The following ARHGEF10L variants were observed in gnomAD, a reference collection of about 807,000 sequenced individuals.
ARHGEF10L encodes the protein rho guanine nucleotide exchange factor 10-like protein.
In ARHGEF10L, 69 loss-of-function variants were observed where a neutral mutation model predicts 141.2. The observed-to-expected ratio is 0.49, with a 90% confidence interval of 0.40 to 0.60. The LOEUF is 0.60. Ranked by LOEUF, ARHGEF10L falls within the 20% of genes least tolerant of loss-of-function variation. ARHGEF10L has a pLI of 0.00. For synonymous variants in ARHGEF10L, 711 were observed against 718.5 expected (o/e 0.99, Z 0.17); for missense variants, 1,482 against 1,734.3 (o/e 0.85, Z 2.58).
chr1:17,674,618 G>A (rs1283288360), intron 26 of ARHGEF10L, among the ~76,000 whole-genome samples: 2 of 152,234 alleles, frequency 1.3e-5, no homozygotes, highest in Non-Finnish European at 2.9e-5. Context: ...AGAAGCGTGA[G>A]CTGATGCCTG....
chr1:17,645,686 A>G (rs943782117), intron 21 of ARHGEF10L, among the ~76,000 whole-genome samples: 1 of 152,176 alleles, frequency 6.6e-6, no homozygotes, highest in Non-Finnish European at 1.5e-5. Flanking sequence ...CTGGCACACT[A>G]GCAGAGGCTA....
At chr1:17,533,907 G>A in the ARHGEF10L span, among the ~76,000 whole-genome samples, 4 of 151,994 alleles carry the variant, frequency 2.6e-5, no homozygotes, top group East Asian at 1.9e-4. Context: ...CTGCCTATGC[G>A]AGGCCGGTAT....
At chr1:17,640,168 A>G (rs753376561) in intron 20 of ARHGEF10L, 34 bp from the exon 21 acceptor site, 9 of 1,593,060 alleles carry the variant, frequency 5.6e-6, no homozygotes, top group South Asian at 1.1e-5. Context: ...TTGTGTGGGT[A>G]CTCACACATC....
At chr1:17,678,224 G>C (rs1366711642) in intron 26 of ARHGEF10L, among the ~76,000 whole-genome samples, 4 of 152,158 alleles carry the variant, frequency 2.6e-5, no homozygotes, top group Non-Finnish European at 5.9e-5. Flanking sequence ...AGGTGACCCA[G>C]GTGGCTGGCT....
At chr1:17,611,935 C>G (rs978550259) in intron 7 of ARHGEF10L, among the ~76,000 whole-genome samples, 2 of 151,990 alleles carry the variant, frequency 1.3e-5, no homozygotes, top group African/African-American at 4.8e-5. Flanking sequence ...ATTTGAATAT[C>G]TATCTGTTCT....
the ARHGEF10L span, among the ~76,000 whole-genome samples, chr1:17,519,232 C>T: frequency 1.3e-5 from 2 of 149,130 alleles, no homozygotes; most frequent in Admixed American, 6.7e-5. Context: ...TCTCTCGGAG[C>T]CAGGAGCCCT....
intron 1 of ARHGEF10L, among the ~76,000 whole-genome samples, chr1:17,560,746 G>A (rs758796026): frequency 6.6e-5 from 10 of 152,176 alleles, no homozygotes; most frequent in Non-Finnish European, 1.3e-4. Flanking sequence ...TGTATTTTTA[G>A]TAGAGGTGGG....
chr1:17,522,820 G>C, the ARHGEF10L span, among the ~76,000 whole-genome samples: 1 of 152,088 alleles, frequency 6.6e-6, no homozygotes, highest in African/African-American at 2.4e-5. Context: ...AAGGGTCCCT[G>C]ATATCTTCTT....
chr1:17,623,141 C>T lies in ARHGEF10L; in HGVS notation c.1166C>T (p.Ser389Phe). 6.2e-7 allele frequency: 1 copy of T among 1,613,900 alleles called. No individual in the cohort carries two copies. The highest frequency in any genetic ancestry group is 8.5e-7 in the Non-Finnish European group (1 of 1,179,916). Reference sequence around the variant, plus strand: ...TCCTCCCGCGTGGCTGAGTGGGATTCCACCGAGAAGATCGGGGACCTCTTC... The same window carrying T: ...TCCTCCCGCGTGGCTGAGTGGGATTTCACCGAGAAGATCGGGGACCTCTTC... ...ALSSRVAEWD[S>F]TEKIGDLFVA... Residue 389 changes from serine to phenylalanine, a missense_variant, in exon 12 of 29, where the codon TCC becomes TTC. By Grantham distance (155) the Ser-to-Phe change is radical (BLOSUM62 -2). Transcript: ENST00000361221. The surrounding 1 kb of genome is among the most constrained non-coding windows in gnomAD (Gnocchi z 4.7).
the ARHGEF10L span, among the ~76,000 whole-genome samples, chr1:17,530,915 G>T: frequency 0.025 from 3,829 of 151,928 alleles, 165 homozygotes; most frequent in African/African-American, 0.087. Flanking sequence ...TGAAGCAAGA[G>T]AATTGCTTGA....
chr1:17,522,329 G>A, the ARHGEF10L span, among the ~76,000 whole-genome samples: 22 of 152,198 alleles, frequency 1.4e-4, no homozygotes, highest in Non-Finnish European at 2.4e-4. Flanking sequence ...AGCCAACGCC[G>A]TCCTGAAGGG....
In ARHGEF10L at chr1:17,549,891, G is replaced by A. The variant is rs185170611; in HGVS notation, c.-44+9941G>A. ...CTCAGTGCTGTGGGGTGATGGATGG[G>A]TACAAAGATATGGTGAAGTTTTACG... On this transcript the variant is annotated intron_variant, in intron 1 of 28. Transcript: ENST00000361221. Among the ~76,000 whole-genome samples, 199 of 152,304 alleles carry A rather than the reference G, an allele frequency of 1.3e-3. 1 individual carries two copies. The highest frequency in any genetic ancestry group is 6.8e-3 in the Middle Eastern group (2 of 294).
In ARHGEF10L at chr1:17,654,317, T is replaced by C. The variant is rs1370341694; in HGVS notation, c.2395-319T>C. Among the ~76,000 whole-genome samples, 1 of 152,146 alleles carries C rather than the reference T, an allele frequency of 6.6e-6. No individual in the cohort carries two copies. Among genetic ancestry groups the C allele is most frequent in the Non-Finnish European group, 1.5e-5 (1 of 68,014 alleles). ...TCACCTGCCCTCTGTGACCCTCATT[T>C]CCCTGTTTGTAAAATAAGGAGGGGT... is the stretch of plus-strand genomic sequence containing the variant. On this transcript the variant is annotated intron_variant, in intron 22 of 28. Transcript: ENST00000361221. This position sits in a 1 kb window ranked among gnomAD's most constrained non-coding sequence, Gnocchi z 4.3.
Position 17,540,144 on chromosome 1 carries a change from CTG to C in ARHGEF10L, c.-44+199_-44+200del, listed in dbSNP as rs2076665666. 2.0e-5 allele frequency among the ~76,000 whole-genome samples: 3 copies of C among 152,206 alleles called. No individual in the cohort carries two copies. In the South Asian group the frequency reaches 6.2e-4, roughly 32 times the overall value. On this transcript the variant is annotated intron_variant, in intron 1 of 28. Transcript: ENST00000361221. ...AGAGCCCCGAGCCCGCGTCTCCCCT[CTG>C]TGTGGGTCTCTCCTTGTGTCACTGG...
At chr1:17,598,763 C>T (rs2080354743) in intron 4 of ARHGEF10L, among the ~76,000 whole-genome samples, 1 of 151,634 alleles carries the variant, frequency 6.6e-6, no homozygotes, top group Non-Finnish European at 1.5e-5. Flanking sequence ...GGCTACTGCT[C>T]TCTCTCTCTC....
chr1:17,668,123 C>T (rs1183642765), intron 26 of ARHGEF10L, among the ~76,000 whole-genome samples: 3 of 152,178 alleles, frequency 2.0e-5, no homozygotes, highest in East Asian at 3.8e-4. Flanking sequence ...CCGTTTCACA[C>T]GGTCTTGGCA....
At chr1:17,593,867 G>A (rs1231591114) in intron 4 of ARHGEF10L, among the ~76,000 whole-genome samples, 1 of 151,710 alleles carries the variant, frequency 6.6e-6, no homozygotes, top group Non-Finnish European at 1.5e-5. Flanking sequence ...CTGGGAGAGA[G>A]CGTCACTTGT....
chr1:17,647,763 T>C (rs1051673845), intron 21 of ARHGEF10L, among the ~76,000 whole-genome samples: 3 of 151,734 alleles, frequency 2.0e-5, no homozygotes, highest in African/African-American at 4.8e-5. Flanking sequence ...AAGGGGCCAC[T>C]GTAGTCAGGG....
rs1252035051 is a variant in ARHGEF10L, at chr1:17,632,338, G to A, written c.1602G>A (p.Gln534=). 3 of 1,614,030 alleles carry A rather than the reference G, an allele frequency of 1.9e-6. No individual in the cohort carries two copies. The highest frequency in any genetic ancestry group is 1.7e-5 in the Admixed American group (1 of 60,012). Residue 534 remains glutamine (Q), a synonymous_variant, in exon 16 of 29, where the codon CAG becomes CAA. Transcript: ENST00000361221. ...SSLNKLLTSG[Q]RQLLLCETLT... is the part of the protein sequence containing the mutation. ...TCCTCCAGCTGTTGACCTCAGGCCA[G>A]CGGCAGCTGCTCCTGTGTGAGACGT...
Sources: gnomAD v4.1 joint callset for allele counts (sites outside exome capture counted in the v4.1 genomes callset) on GRCh38, gnomAD v4.1.1 for gene constraint, Gnocchi (gnomAD v3.1) non-coding constraint, MANE v1.5 for transcripts, NCBI Gene and HGNC (gene_info 2026-07-23, HGNC 2026-07-21) for gene names.